Variants in SUGCT observed in about 807,000 individuals in gnomAD.
SUGCT encodes succinyl-CoA:glutarate CoA-transferase.
A neutral mutation model predicts 55.0 loss-of-function variants in SUGCT; 41 were observed. The ratio of observed to expected loss-of-function variants is 0.74; its 90% CI spans 0.58 to 0.97. The LOEUF is 0.97. Among genes scored for constraint, SUGCT ranks in the 50% least tolerant of loss-of-function variants. The pLI is 0.00. For missense variants in SUGCT, 568 were observed against 547.8 expected, an observed-to-expected ratio of 1.04 and a Z score of -0.37; for synonymous variants, 187 against 200.4, an observed-to-expected ratio of 0.93 and a Z score of 0.56.
chr7:40,949,363 T>C, the SUGCT span, among the ~76,000 whole-genome samples: 4 of 152,186 alleles, frequency 2.6e-5, no homozygotes, highest in South Asian at 8.3e-4. Flanking sequence ...TAGCCCTTTG[T>C]CAGATGAGTA....
chr7:40,882,937 T>G, the SUGCT span, among the ~76,000 whole-genome samples: 2 of 152,214 alleles, frequency 1.3e-5, no homozygotes, highest in Non-Finnish European at 2.9e-5. Context: ...TTCCTTCGTT[T>G]AGCTTTGAAA....
the SUGCT span, among the ~76,000 whole-genome samples, chr7:40,897,971 C>G: frequency 6.6e-6 from 1 of 152,166 alleles, no homozygotes; most frequent in Non-Finnish European, 1.5e-5. Context: ...AGCAGGCCAC[C>G]TGCGCCAACA....
At chr7:40,544,409 C>T (rs141387121) in intron 12 of SUGCT, among the ~76,000 whole-genome samples, 212 of 152,228 alleles carry the variant, frequency 1.4e-3, no homozygotes, top group African/African-American at 4.7e-3. Flanking sequence ...CTGACCCAGA[C>T]GAAGGAAGAA....
the SUGCT span, among the ~76,000 whole-genome samples, chr7:40,935,961 T>C: frequency 2.6e-5 from 4 of 152,178 alleles, no homozygotes; most frequent in Non-Finnish European, 4.4e-5. Context: ...TAATATTTTC[T>C]GTGGTTTTGA....
intron 13 of SUGCT, among the ~76,000 whole-genome samples, chr7:40,773,466 T>A (rs1315634755): frequency 6.6e-6 from 1 of 152,152 alleles, no homozygotes; most frequent in East Asian, 1.9e-4. Context: ...GTGTATTGCC[T>A]CTATTAGTCT....
the SUGCT span, among the ~76,000 whole-genome samples, chr7:40,888,486 A>T: frequency 0.54 from 81,822 of 151,754 alleles, 22,573 homozygotes; most frequent in East Asian, 0.67. Context: ...GGTAGAGATA[A>T]ACCCAAGATC....
chr7:40,455,010 A>G (rs984139716), intron 10 of SUGCT, among the ~76,000 whole-genome samples: 6 of 152,116 alleles, frequency 3.9e-5, no homozygotes, highest in African/African-American at 1.4e-4. Flanking sequence ...TGATGGGTGA[A>G]AGCAAACATT....
chr7:40,232,239 G>GCCTCAT (rs1754085492), intron 6 of SUGCT, among the ~76,000 whole-genome samples: 1 of 152,152 alleles, frequency 6.6e-6, no homozygotes, highest in Admixed American at 6.6e-5. Context: ...TCAAGTGAAA[G>GCCTCAT]CCTCATCCTG....
At chr7:41,023,160 A>T in the SUGCT span, among the ~76,000 whole-genome samples, 24 of 152,156 alleles carry the variant, frequency 1.6e-4, no homozygotes, top group African/African-American at 5.3e-4. Flanking sequence ...CAATGGTGCA[A>T]ACAATGACTT....
chr7:40,255,417 C>G (rs1790741964), intron 7 of SUGCT, among the ~76,000 whole-genome samples: 2 of 151,210 alleles, frequency 1.3e-5, no homozygotes, highest in Admixed American at 1.3e-4. Flanking sequence ...ATCCTAGCAC[C>G]TTGGGAGGCC....
intron 12 of SUGCT, among the ~76,000 whole-genome samples, chr7:40,562,303 A>G (rs2151665503): frequency 6.6e-6 from 1 of 151,816 alleles, no homozygotes; most frequent in Non-Finnish European, 1.5e-5. Context: ...CGTCTCAAAA[A>G]AAAAAAAAAA....
the SUGCT span, among the ~76,000 whole-genome samples, chr7:41,022,489 T>A: frequency 1.3e-5 from 2 of 152,158 alleles, no homozygotes; most frequent in Non-Finnish European, 2.9e-5. Context: ...AACCCTGGAA[T>A]GAGGAATAGA....
intron 9 of SUGCT, among the ~76,000 whole-genome samples, chr7:40,357,096 C>T (rs1238103434): frequency 6.6e-6 from 1 of 152,156 alleles, no homozygotes; most frequent in Non-Finnish European, 1.5e-5. Context: ...CAAAAACGAA[C>T]CACTCAGAAA....
At chr7:40,653,075 A>G (rs954864132) in intron 12 of SUGCT, among the ~76,000 whole-genome samples, 2 of 152,134 alleles carry the variant, frequency 1.3e-5, no homozygotes, top group African/African-American at 4.8e-5. Flanking sequence ...TGAAGAGGAG[A>G]CTTAATGATT....
Position 40,609,383 on chromosome 7 carries a change from G to T in SUGCT, c.1089+112997G>T, listed in dbSNP as rs181533537. Reference sequence around the variant, plus strand: ...AGATCGAGACCATCCTGGCTAACACGGTGAAACCCCATCTCTACTAAAAAT... The same window carrying T: ...AGATCGAGACCATCCTGGCTAACACTGTGAAACCCCATCTCTACTAAAAAT... On this transcript the variant is annotated intron_variant, in intron 12 of 13. Transcript: ENST00000335693. 1.1e-3 allele frequency among the ~76,000 whole-genome samples: 171 copies of T among 151,752 alleles called. 2 individuals carry two copies. In the East Asian group the frequency reaches 0.03, roughly 27 times the overall value.
At chr7:40,995,785 G>A in the SUGCT span, among the ~76,000 whole-genome samples, 1 of 152,122 alleles carries the variant, frequency 6.6e-6, no homozygotes, top group African/African-American at 2.4e-5. Context: ...GGCACAGAAA[G>A]GGCTGGCAGT....
intron 9 of SUGCT, among the ~76,000 whole-genome samples, chr7:40,419,037 C>A (rs1583637449): frequency 6.6e-6 from 1 of 152,054 alleles, no homozygotes; most frequent in East Asian, 1.9e-4. Context: ...TTAAATATAG[C>A]TTTAAAGAAG....
chr7:40,533,807 A>C (rs1794217089), intron 12 of SUGCT, among the ~76,000 whole-genome samples: 1 of 152,150 alleles, frequency 6.6e-6, no homozygotes, highest in Non-Finnish European at 1.5e-5. Context: ...TCATAATATA[A>C]ATACAGCATG....
At chr7:40,224,366 G>C (rs941067098) in intron 6 of SUGCT, among the ~76,000 whole-genome samples, 1 of 151,052 alleles carries the variant, frequency 6.6e-6, no homozygotes, top group African/African-American at 2.4e-5. Context: ...CTCCTTATTT[G>C]AATAAGTCTT....
Sources: gnomAD v4.1 joint callset for allele counts (sites outside exome capture counted in the v4.1 genomes callset) on GRCh38, gnomAD v4.1.1 for gene constraint, MANE v1.5 for transcripts, NCBI Gene and HGNC (gene_info 2026-07-23, HGNC 2026-07-21) for gene names.